The following DOCK3 variants were observed in gnomAD, a reference collection of about 807,000 sequenced individuals.
The protein encoded by DOCK3 is dedicator of cytokinesis 3, also known as dedicator of cytokinesis protein 3.
Under a neutral mutation model 265.6 loss-of-function variants are expected in DOCK3, and 60 were observed. The observed-to-expected ratio is 0.23, with a 90% CI of 0.18 to 0.28. The LOEUF is 0.28. Among genes scored for constraint, DOCK3 ranks in the 10% least tolerant of loss-of-function variants. The pLI is 1.00. For missense variants in DOCK3, 1,981 were observed against 2,594.3 expected (o/e 0.76, Z 5.14); for synonymous variants, 881 against 938.0 (o/e 0.94, Z 1.11).
chr3:51,370,479 A>T (rs1451783640), intron 49 of DOCK3, among the ~76,000 whole-genome samples: 1 of 152,210 alleles, frequency 6.6e-6, no homozygotes, highest in Non-Finnish European at 1.5e-5. Flanking sequence ...GAAAAGAAGA[A>T]AGAGGAGGAA....
chr3:51,155,992 G>A (rs2085832103), intron 10 of DOCK3, among the ~76,000 whole-genome samples: 1 of 152,074 alleles, frequency 6.6e-6, no homozygotes, highest in Admixed American at 6.6e-5. Context: ...CCAAGTATTA[G>A]TTGTCATTTT....
intron 27 of DOCK3, among the ~76,000 whole-genome samples, chr3:51,291,169 G>T (rs1179133358): frequency 6.6e-6 from 1 of 152,100 alleles, no homozygotes; most frequent in Admixed American, 6.6e-5. Context: ...TGGGAGGGAA[G>T]TTTATAGCAA....
intron 7 of DOCK3, among the ~76,000 whole-genome samples, chr3:51,085,914 T>G (rs55699461): frequency 0.047 from 7,095 of 152,156 alleles, 600 homozygotes; most frequent in African/African-American, 0.16. Context: ...GATAAACCAC[T>G]AGACTAATCG....
At chr3:51,341,525 A>G in intron 38 of DOCK3, 140 bp downstream of exon 38, 1 of 1,199,466 alleles carries the variant, frequency 8.3e-7, no homozygotes, top group Non-Finnish European at 1.2e-6. Flanking sequence ...TGTGCCTAAG[A>G]TGTGGAGGCA....
At chr3:51,305,103 T>A (rs550299527) in intron 27 of DOCK3, among the ~76,000 whole-genome samples, 7 of 152,328 alleles carry the variant, frequency 4.6e-5, no homozygotes, top group African/African-American at 1.7e-4. Context: ...ATTGCTCAAG[T>A]TTTTTATTTC....
chr3:51,130,875 T>C (rs1282608783), intron 9 of DOCK3, among the ~76,000 whole-genome samples: 1 of 152,054 alleles, frequency 6.6e-6, no homozygotes, highest in Non-Finnish European at 1.5e-5. Flanking sequence ...ACCCAACTAA[T>C]ATTTTGTACT....
intron 1 of DOCK3, among the ~76,000 whole-genome samples, chr3:50,769,766 T>G (rs1414502665): frequency 2.7e-5 from 4 of 149,146 alleles, no homozygotes; most frequent in Non-Finnish European, 5.9e-5. Context: ...GAGCTGAGAT[T>G]GTGCCATTGC....
chr3:50,996,362 C>T lies in DOCK3; in HGVS notation c.315+62285C>T, dbSNP rs191938945. ...CCTCCCAAGTAGCTGGAACTACAGACGCCTACCACCACGCCTGGCTAATTT... is the reference window on the plus strand; with the variant it reads ...CCTCCCAAGTAGCTGGAACTACAGATGCCTACCACCACGCCTGGCTAATTT... On this transcript the variant is annotated intron_variant, in intron 5 of 52. Transcript: ENST00000266037. 2.8e-3 allele frequency among the ~76,000 whole-genome samples: 432 copies of T among 151,950 alleles called. 2 individuals are homozygous for T. Among genetic ancestry groups the T allele is most frequent in the Non-Finnish European group, 5.0e-3 (339 of 67,970 alleles).
At chr3:51,220,726 T>G (rs184238561) in intron 14 of DOCK3, among the ~76,000 whole-genome samples, 1,643 of 146,504 alleles carry the variant, frequency 0.011, 38 homozygotes, top group African/African-American at 0.037. Context: ...TATATATATA[T>G]ATATATAAAA....
intron 35 of DOCK3, among the ~76,000 whole-genome samples, chr3:51,335,657 T>C (rs2084809916): frequency 6.6e-6 from 1 of 152,214 alleles, no homozygotes; most frequent in African/African-American, 2.4e-5. Context: ...AAGCAACTCT[T>C]TTCCTCTGCC....
In DOCK3 at chr3:51,288,116, G is replaced by C. The variant is rs992444607; in HGVS notation, c.2922+7912G>C. On this transcript the variant is annotated intron_variant, in intron 27 of 52. Coordinates refer to ENST00000266037, the MANE Select transcript of DOCK3 (RefSeq NM_004947.5). Reference sequence around the variant, plus strand: ...GACATAAGAAGAGAACAACAGGCAGGCTCAGTGGCTCATGCCTATGATCCC... The same window carrying C: ...GACATAAGAAGAGAACAACAGGCAGCCTCAGTGGCTCATGCCTATGATCCC... Among the ~76,000 whole-genome samples, 6 of 152,310 alleles carry C rather than the reference G, an allele frequency of 3.9e-5. No homozygotes were observed. In the East Asian group the frequency reaches 5.8e-4, roughly 15 times the overall value.
At chr3:50,748,441 G>A (rs975902488) in intron 1 of DOCK3, among the ~76,000 whole-genome samples, 6 of 152,160 alleles carry the variant, frequency 3.9e-5, no homozygotes, top group Admixed American at 3.9e-4. Flanking sequence ...CCAGAGTTGT[G>A]GGTGTTCTCT....
intron 9 of DOCK3, among the ~76,000 whole-genome samples, chr3:51,103,464 C>G (rs2083159675): frequency 6.6e-6 from 1 of 152,216 alleles, no homozygotes; most frequent in Admixed American, 6.5e-5. Flanking sequence ...TCTTGATTAT[C>G]TACCTTTACC....
rs556088967 is a variant in DOCK3 at position 50,990,330 on chromosome 3, T to G, written c.315+56253T>G. Among the ~76,000 whole-genome samples the G allele has an allele frequency of 5.9e-5, 9 of 152,238 alleles. No individual in the cohort carries two copies. The East Asian group carries it at 1.7e-3, about 29-fold the overall frequency. On this transcript the variant is annotated intron_variant, in intron 5 of 52. Transcript: ENST00000266037. ...AACTCCTGCAAGTTTCTACACCAGA[T>G]CATCCCCAAGACACATCACGTAACT...
intron 36 of DOCK3, 35 bp from the exon 37 acceptor site, chr3:51,338,899 AG>A (rs780724805): frequency 1.3e-6 from 2 of 1,540,236 alleles, no homozygotes; most frequent in South Asian, 1.2e-5. Context: ...TGGCTTCCAC[AG>A]GTAGTTGACA....
intron 5 of DOCK3, among the ~76,000 whole-genome samples, chr3:51,059,472 C>T (rs2081330274): frequency 6.6e-6 from 1 of 151,374 alleles, no homozygotes; most frequent in Non-Finnish European, 1.5e-5. Context: ...CACACACACA[C>T]ACACACACAC....
rs115795428 is a variant in DOCK3 at position 50,912,032 on chromosome 3, C to T, written c.219-21949C>T. ...TTTGGCAGGTTGATGTTATATACTG[C>T]AACTTTACTGAATTTGCCTTTCAGT... On this transcript the variant is annotated intron_variant, in intron 4 of 52. Transcript: ENST00000266037. 3.8e-3 allele frequency among the ~76,000 whole-genome samples: 574 copies of T among 152,162 alleles called. 7 individuals carry two copies. The highest frequency in any genetic ancestry group is 0.013 in the African/African-American group (532 of 41,442).
intron 19 of DOCK3, among the ~76,000 whole-genome samples, chr3:51,229,918 C>T (rs1001628308): frequency 1.3e-5 from 2 of 152,152 alleles, no homozygotes; most frequent in African/African-American, 2.4e-5. Context: ...TGGTATTCCT[C>T]ATTGCACGTT....
chr3:50,827,231 T>C (rs1183026721), intron 2 of DOCK3, among the ~76,000 whole-genome samples: 1 of 152,188 alleles, frequency 6.6e-6, no homozygotes, highest in Non-Finnish European at 1.5e-5. Context: ...TTATATGTTA[T>C]CTTAGTTCAT....
Sources: gnomAD v4.1 joint callset for allele counts (sites outside exome capture counted in the v4.1 genomes callset) on GRCh38, gnomAD v4.1.1 for gene constraint, MANE v1.5 for transcripts, NCBI Gene and HGNC (gene_info 2026-07-23, HGNC 2026-07-21) for gene names.